EYS: variants seen among roughly 807,000 people sequenced by gnomAD.
The protein encoded by EYS is EGF-like photoreceptor maintenance factor.
A neutral mutation model predicts 282.1 loss-of-function variants in EYS; 250 were observed. That is an observed-to-expected ratio of 0.89 (90% CI 0.80 to 0.98). The LOEUF (loss-of-function observed/expected upper bound fraction) is 0.98, where lower values mean the gene tolerates loss of function less well. EYS is among the 50% of genes least tolerant of loss of function. The pLI is 0.00. For synonymous variants in EYS, 1,355 were observed against 1,282.9 expected, an observed-to-expected ratio of 1.06 and a Z score of -1.20; for missense variants, 4,016 against 3,709.0, an observed-to-expected ratio of 1.08 and a Z score of -2.15.
At chr6:63,977,196 G>C (rs1481558302) in intron 35 of EYS, among the ~76,000 whole-genome samples, 2 of 151,428 alleles carry the variant, frequency 1.3e-5, no homozygotes, top group East Asian at 1.9e-4. Flanking sequence ...ATATTTATGG[G>C]GTACATGTGA....
Position 64,230,858 on chromosome 6 carries a change from T to C in EYS, c.6192-34A>G, listed in dbSNP as rs1254563528. 8 of 1,315,944 alleles carry C rather than the reference T, an allele frequency of 6.1e-6. No homozygotes were observed. The Admixed American group carries it at 6.4e-5, about 11-fold the overall frequency. 81.5% of individuals were successfully genotyped at this position (1,315,944 alleles called of 1,614,324 possible). ...TATAAACAGACAAGAAAACAAAATA[T>C]AAGTAAAAGCACTAGGAACATAAAT... On this transcript the variant is annotated intron_variant, in intron 30 of 42. Coordinates refer to ENST00000503581, the MANE Select transcript of EYS (RefSeq NM_001142800.2).
At chr6:64,480,885 CA>C (rs1276236155) in intron 26 of EYS, among the ~76,000 whole-genome samples, 3 of 151,610 alleles carry the variant, frequency 2.0e-5, no homozygotes, top group Non-Finnish European at 3.0e-5. Context: ...TGTATTCATT[CA>C]AGTTATGTTG....
chr6:64,044,729 T>C (rs1453194466), intron 33 of EYS, among the ~76,000 whole-genome samples: 1 of 152,012 alleles, frequency 6.6e-6, no homozygotes, highest in Non-Finnish European at 1.5e-5. Flanking sequence ...TTTGAGTGAT[T>C]TTTTTTTACT....
chr6:63,912,384 G>A (rs1420526215), intron 35 of EYS, among the ~76,000 whole-genome samples: 3 of 152,002 alleles, frequency 2.0e-5, no homozygotes, highest in Non-Finnish European at 4.4e-5. Context: ...TAAAAAACAG[G>A]TGAAATTAAT....
chr6:64,926,158 G>A (rs1294319080), intron 15 of EYS, among the ~76,000 whole-genome samples: 1 of 152,128 alleles, frequency 6.6e-6, no homozygotes, highest in Non-Finnish European at 1.5e-5. Context: ...ACTTTCTGCT[G>A]GGGTCAAAAC....
intron 2 of EYS, among the ~76,000 whole-genome samples, chr6:65,592,107 T>C (rs1001754983): frequency 6.6e-6 from 1 of 152,044 alleles, no homozygotes; most frequent in Non-Finnish European, 1.5e-5. Context: ...TATTCACTAA[T>C]TTTGATCATT....
chr6:65,472,938 T>G (rs969076649), intron 5 of EYS, among the ~76,000 whole-genome samples: 15 of 151,906 alleles, frequency 9.9e-5, no homozygotes, highest in Admixed American at 8.5e-4. Context: ...AGGTTATGCT[T>G]TCATAAGCAA....
chr6:64,163,498 G>T (rs1775171080), intron 31 of EYS, among the ~76,000 whole-genome samples: 1 of 151,860 alleles, frequency 6.6e-6, no homozygotes, highest in Non-Finnish European at 1.5e-5. Flanking sequence ...ATTATTTATT[G>T]CCTTGGTCAA....
intron 41 of EYS, among the ~76,000 whole-genome samples, chr6:63,759,118 T>C (rs1464977950): frequency 2.0e-5 from 3 of 152,110 alleles, no homozygotes; most frequent in African/African-American, 4.8e-5. Context: ...AAAAGAACTT[T>C]ATTGAAAAAA....
At chr6:64,366,167 C>G (rs1390845042) in intron 29 of EYS, among the ~76,000 whole-genome samples, 2 of 151,798 alleles carry the variant, frequency 1.3e-5, no homozygotes, top group Non-Finnish European at 2.9e-5. Context: ...TTTTCTTTCC[C>G]GTTAATATTG....
intron 12 of EYS, among the ~76,000 whole-genome samples, chr6:65,111,231 A>G (rs6936135): frequency 0.2 from 30,736 of 151,778 alleles, 3,358 homozygotes; most frequent in African/African-American, 0.25. Context: ...TAGGAAGAAT[A>G]TGTAGACAAC....
intron 15 of EYS, among the ~76,000 whole-genome samples, chr6:64,927,211 CATAAA>C (rs1768546447): frequency 6.6e-6 from 1 of 152,118 alleles, no homozygotes; most frequent in Admixed American, 6.5e-5. Flanking sequence ...AGGAGAAACA[CATAAA>C]ATGGATTCCT....
chr6:64,456,814 T>TA (rs1428227270), intron 26 of EYS, among the ~76,000 whole-genome samples: 1 of 151,654 alleles, frequency 6.6e-6, no homozygotes, highest in Non-Finnish European at 1.5e-5. Context: ...TTCCCATTAT[T>TA]AAAAAAACAG....
chr6:65,298,163 G>T (rs776772175), intron 11 of EYS, among the ~76,000 whole-genome samples: 2 of 151,984 alleles, frequency 1.3e-5, no homozygotes, highest in Non-Finnish European at 2.9e-5. Context: ...TCTCAATAAA[G>T]GCATCAAGAG....
At chr6:65,319,668 G>C (rs1022463862) in intron 11 of EYS, among the ~76,000 whole-genome samples, 4 of 152,140 alleles carry the variant, frequency 2.6e-5, no homozygotes. Context: ...CACTCAATAA[G>C]TATTTGTTGA....
chr6:64,183,343 C>T (rs1289342657), intron 31 of EYS, among the ~76,000 whole-genome samples: 1 of 152,104 alleles, frequency 6.6e-6, no homozygotes, highest in African/African-American at 2.4e-5. Context: ...GATTAGTGCC[C>T]TACTCATGTG....
chr6:63,952,842 C>A (rs1053870520), intron 35 of EYS, among the ~76,000 whole-genome samples: 5 of 152,148 alleles, frequency 3.3e-5, no homozygotes, highest in African/African-American at 1.2e-4. Context: ...AAAACCTAAT[C>A]ACACTTATCT....
chr6:64,550,298 T>C (rs1757798202), intron 26 of EYS, among the ~76,000 whole-genome samples: 2 of 152,208 alleles, frequency 1.3e-5, no homozygotes, highest in South Asian at 4.1e-4. Flanking sequence ...TCTAGATCCC[T>C]GAGGAATCGC....
chr6:65,294,840 C>T (rs950879406), intron 12 of EYS, among the ~76,000 whole-genome samples: 10 of 151,782 alleles, frequency 6.6e-5, no homozygotes, highest in African/African-American at 2.4e-4. Context: ...CACATTTATG[C>T]AATTTTATTT....
Sources: gnomAD v4.1 joint callset for allele counts (sites outside exome capture counted in the v4.1 genomes callset) on GRCh38, gnomAD v4.1.1 for gene constraint, MANE v1.5 for transcripts, NCBI Gene and HGNC (gene_info 2026-07-23, HGNC 2026-07-21) for gene names.